The following ZNF83 variants were observed in gnomAD, a reference collection of about 807,000 sequenced individuals.
ZNF83 encodes the protein zinc finger protein 816B.
For missense variants in ZNF83, 552 were observed against 629.9 expected, an observed-to-expected ratio of 0.88 and a Z score of 1.32; for synonymous variants, 209 against 213.0, an observed-to-expected ratio of 0.98 and a Z score of 0.17.
At chr19:52,676,709 G>C (rs1263186502) in intron 1 of ZNF83, among the ~76,000 whole-genome samples, 1 of 137,894 alleles carries the variant, frequency 7.3e-6, no homozygotes, top group South Asian at 2.3e-4. Flanking sequence ...GGAAAAGATT[G>C]AGAAATCGGA....
chr19:52,685,552 GGAAA>G (rs1182999405), intron 1 of ZNF83, among the ~76,000 whole-genome samples: 1 of 152,014 alleles, frequency 6.6e-6, no homozygotes, highest in Non-Finnish European at 1.5e-5. Context: ...TTGAAAACAG[GGAAA>G]GAAAGTCAGC....
At chr19:52,649,925 G>A (rs987417809) in intron 3 of ZNF83, among the ~76,000 whole-genome samples, 1 of 152,102 alleles carries the variant, frequency 6.6e-6, no homozygotes, top group Admixed American at 6.5e-5. Context: ...GAATGCACCA[G>A]AGGCCAAGCT....
At chr19:52,661,601 A>G (rs2061581066) in intron 1 of ZNF83, among the ~76,000 whole-genome samples, 1 of 152,192 alleles carries the variant, frequency 6.6e-6, no homozygotes, top group Admixed American at 6.5e-5. Flanking sequence ...TAAAAGATGT[A>G]TTTGCAAAAT....
chr19:52,633,740 A>T (rs1005161760), intron 2 of ZNF83, among the ~76,000 whole-genome samples: 3 of 150,560 alleles, frequency 2.0e-5, no homozygotes, highest in Non-Finnish European at 1.5e-5. Context: ...GAGAAACCTC[A>T]TTTCTTCTAA....
At chr19:52,674,480 A>C (rs1242090434) in intron 1 of ZNF83, among the ~76,000 whole-genome samples, 1 of 152,176 alleles carries the variant, frequency 6.6e-6, no homozygotes, top group East Asian at 1.9e-4. Context: ...GAAATAAATA[A>C]AATTTTATTT....
chr19:52,685,897 CAAAAAA>C (rs3055370), intron 1 of ZNF83, among the ~76,000 whole-genome samples: 23 of 132,548 alleles, frequency 1.7e-4, no homozygotes, highest in East Asian at 7.3e-4. Context: ...GTAACTGTCA[CAAAAAA>C]AAAAAAAAAA....
chr19:52,627,486 AC>A (rs1167437984), intron 2 of ZNF83, among the ~76,000 whole-genome samples: 1 of 151,988 alleles, frequency 6.6e-6, no homozygotes. Context: ...ATGTGGTGAA[AC>A]CCTCTCTCTA....
chr19:52,643,884 G>C (rs1600220800), intron 3 of ZNF83, among the ~76,000 whole-genome samples: 1 of 152,266 alleles, frequency 6.6e-6, no homozygotes, highest in East Asian at 1.9e-4. Context: ...GAGACAGGAA[G>C]GGTTTTGATG....
At chr19:52,669,725 C>T (rs938028869) in intron 1 of ZNF83, among the ~76,000 whole-genome samples, 1 of 152,110 alleles carries the variant, frequency 6.6e-6, no homozygotes, top group African/African-American at 2.4e-5. Context: ...GAATAGTAGC[C>T]TCAATTCTTA....
chr19:52,658,991 G>C (rs1225130088), intron 2 of ZNF83, among the ~76,000 whole-genome samples: 1 of 152,076 alleles, frequency 6.6e-6, no homozygotes, highest in African/African-American at 2.4e-5. Context: ...CCGGCTCTTG[G>C]TGTGCAGGCG....
intron 1 of ZNF83, among the ~76,000 whole-genome samples, chr19:52,686,808 C>G (rs10424802): frequency 0.7 from 105,888 of 151,852 alleles, 38,359 homozygotes; most frequent in African/African-American, 0.91. Context: ...CCTGACCTTA[C>G]GTGATTCTCT....
intron 1 of ZNF83, among the ~76,000 whole-genome samples, chr19:52,683,547 A>G (rs2061963754): frequency 7.8e-6 from 1 of 127,760 alleles, no homozygotes; most frequent in African/African-American, 3.2e-5. Flanking sequence ...GTCCCTGCCC[A>G]TAATGGCCAA....
intron 1 of ZNF83, among the ~76,000 whole-genome samples, chr19:52,674,461 A>C (rs2061771295): frequency 6.6e-6 from 1 of 152,176 alleles, no homozygotes; most frequent in Non-Finnish European, 1.5e-5. Flanking sequence ...AACTCATCCA[A>C]ATCAGAAAGA....
intron 3 of ZNF83, chr19:52,655,470 T>G: frequency 8.3e-7 from 1 of 1,200,598 alleles, no homozygotes; most frequent in Non-Finnish European, 1.2e-6. Context: ...AAAGCATGTA[T>G]GCGGCAAAAT....
chr19:52,635,351 T>C, intron 1 of ZNF83, 198 bp from the exon 2 acceptor site: 1 of 324,310 alleles, frequency 3.1e-6, no homozygotes, highest in Non-Finnish European at 5.6e-6. Flanking sequence ...TCTGGAGGAG[T>C]CCACACACGC....
chr19:52,628,800 C>A (rs1291941156), intron 2 of ZNF83, among the ~76,000 whole-genome samples: 18 of 150,528 alleles, frequency 1.2e-4, no homozygotes, highest in Admixed American at 1.1e-3. Flanking sequence ...GGAGCAAGTA[C>A]CCCAACCCCT....
intron 3 of ZNF83, among the ~76,000 whole-genome samples, chr19:52,647,580 C>A (rs183377786): frequency 7.9e-5 from 12 of 151,992 alleles, no homozygotes; most frequent in Non-Finnish European, 4.4e-5. Context: ...CTGTGCCTGG[C>A]CCCTCTGTCT....
At chr19:52,664,760 G>A (rs954701020) in intron 1 of ZNF83, among the ~76,000 whole-genome samples, 3 of 146,604 alleles carry the variant, frequency 2.0e-5, no homozygotes, top group Non-Finnish European at 4.5e-5. Context: ...GTGTGGGGGG[G>A]TGAGGGGGGA....
intron 1 of ZNF83, among the ~76,000 whole-genome samples, chr19:52,686,175 T>C (rs74933294): frequency 0.012 from 1,806 of 152,196 alleles, 23 homozygotes; most frequent in Non-Finnish European, 0.018. Flanking sequence ...CTGTATGAGG[T>C]ACCAAAGTTT....
Sources: gnomAD v4.1 joint callset for allele counts (sites outside exome capture counted in the v4.1 genomes callset) on GRCh38, gnomAD v4.1.1 for gene constraint, MANE v1.5 for transcripts, NCBI Gene and HGNC (gene_info 2026-07-23, HGNC 2026-07-21) for gene names.